Variants in ENOX1 observed in about 807,000 individuals in gnomAD.
ENOX1 encodes the protein ecto-NOX disulfide-thiol exchanger 1, also known as candidate growth-related and time keeping constitutive hydroquinone (NADH) oxidase.
A neutral mutation model predicts 82.5 loss-of-function variants in ENOX1; 42 were observed. The observed-to-expected ratio is 0.51, with a 90% CI of 0.40 to 0.66. The LOEUF (loss-of-function observed/expected upper bound fraction) is 0.66. ENOX1 is among the 30% of genes least tolerant of loss of function. ENOX1 has a pLI of 0.00. For synonymous variants in ENOX1, 271 were observed against 282.2 expected, an observed-to-expected ratio of 0.96 and a Z score of 0.40; for missense variants, 608 against 811.6, an observed-to-expected ratio of 0.75 and a Z score of 3.05.
intron 2 of ENOX1, among the ~76,000 whole-genome samples, chr13:43,664,084 TTTAA>T (rs1344842835): frequency 3.3e-5 from 5 of 152,218 alleles, no homozygotes; most frequent in Admixed American, 6.5e-5. Flanking sequence ...GTATAATTTG[TTTAA>T]TTAATATACT....
At chr13:43,648,310 T>C (rs1363446721) in intron 2 of ENOX1, among the ~76,000 whole-genome samples, 2 of 152,198 alleles carry the variant, frequency 1.3e-5, no homozygotes, top group Non-Finnish European at 2.9e-5. Flanking sequence ...ACACTGTTCT[T>C]TGGGCTACAG....
At chr13:43,216,011 A>G (rs956857449) in intron 16 of ENOX1, among the ~76,000 whole-genome samples, 2 of 152,132 alleles carry the variant, frequency 1.3e-5, no homozygotes, top group South Asian at 2.1e-4. Context: ...CTTGGCTAAC[A>G]TGGTAAAACC....
chr13:43,650,405 C>T (rs566851360), intron 2 of ENOX1, among the ~76,000 whole-genome samples: 6 of 152,246 alleles, frequency 3.9e-5, no homozygotes, highest in East Asian at 1.9e-4. Context: ...CTGATCCCTG[C>T]GTTATGACAC....
chr13:43,420,504 T>A (rs1159541501), intron 3 of ENOX1, among the ~76,000 whole-genome samples: 2 of 152,202 alleles, frequency 1.3e-5, no homozygotes, highest in East Asian at 3.9e-4. Context: ...TGTTTCATCT[T>A]ATTGTTAAGG....
chr13:43,236,532 C>CAGA, intron 15 of ENOX1, 104 bp downstream of exon 15: 1 of 639,562 alleles, frequency 1.6e-6, no homozygotes. Flanking sequence ...CACCTTTTAC[C>CAGA]AGAAGGCAAT....
chr13:43,348,380 C>T (rs1348847466), intron 8 of ENOX1, among the ~76,000 whole-genome samples: 1 of 152,198 alleles, frequency 6.6e-6, no homozygotes, highest in Non-Finnish European at 1.5e-5. Flanking sequence ...TTTCTGTCTT[C>T]TGGTTACTCT....
At chr13:43,618,970 G>C (rs2082604754) in intron 2 of ENOX1, among the ~76,000 whole-genome samples, 1 of 131,464 alleles carries the variant, frequency 7.6e-6, no homozygotes, top group African/African-American at 2.8e-5. Flanking sequence ...GTTAGGTATA[G>C]TCCTAAATTT....
chr13:43,647,359 T>C (rs1385303954), intron 2 of ENOX1, among the ~76,000 whole-genome samples: 1 of 152,188 alleles, frequency 6.6e-6, no homozygotes, highest in Admixed American at 6.5e-5. Context: ...CCACTACAAC[T>C]GCTTTGAGTC....
At chr13:43,297,086 A>T (rs2046324815) in intron 12 of ENOX1, among the ~76,000 whole-genome samples, 1 of 152,198 alleles carries the variant, frequency 6.6e-6, no homozygotes, top group Non-Finnish European at 1.5e-5. Flanking sequence ...TCTAACACAC[A>T]CTGTGAACAT....
At chr13:43,552,235 C>T (rs544574167) in intron 2 of ENOX1, among the ~76,000 whole-genome samples, 4 of 151,964 alleles carry the variant, frequency 2.6e-5, no homozygotes, top group Admixed American at 1.3e-4. Flanking sequence ...CCAGGGAGGC[C>T]ACCCATCAAT....
intron 8 of ENOX1, among the ~76,000 whole-genome samples, chr13:43,355,181 G>C (rs1294768088): frequency 1.3e-5 from 2 of 152,166 alleles, no homozygotes; most frequent in Non-Finnish European, 2.9e-5. Context: ...GTCAGTAATA[G>C]AACTGAATTC....
In ENOX1 at chr13:43,326,477, C is replaced by G. The variant is rs763318177; in HGVS notation, c.1085G>C (p.Trp362Ser). Residue 362 changes from tryptophan (W) to serine (S), a missense_variant, in exon 10 of 17, where the codon TGG becomes TCG. By Grantham distance (177) the Trp-to-Ser change is radical (BLOSUM62 -3). Coordinates refer to ENST00000690772, the MANE Select transcript of ENOX1 (RefSeq NM_001347969.2). ...VFNASTRQKA[W>S]DHFSKAQRKN... ...GCGCTGGGCTTTCGAGAAATGGTCC[C>G]AAGCTTTTTGTCTGGTAGAAGCGTT... 6.2e-7 allele frequency: 1 copy of G among 1,614,170 alleles called. No homozygotes were observed. Among genetic ancestry groups the G allele is most frequent in the Non-Finnish European group, 8.5e-7 (1 of 1,179,996 alleles).
intron 2 of ENOX1, among the ~76,000 whole-genome samples, chr13:43,575,771 T>C (rs1050009886): frequency 2.0e-5 from 3 of 152,234 alleles, no homozygotes; most frequent in African/African-American, 7.2e-5. Context: ...AATGCTTGGC[T>C]AGCCCTTTGG....
chr13:43,524,145 A>G lies in ENOX1; in HGVS notation c.-218-39993T>C, dbSNP rs1157165069. 4.6e-5 allele frequency among the ~76,000 whole-genome samples: 7 copies of G among 152,102 alleles called. No homozygotes were observed. The East Asian group carries it at 1.4e-3, about 29-fold the overall frequency. ...CCTAGCCTTCAGACCCCTTTAGTCC[A>G]TCTAATATCTTCTTGCCAACTCATT... is the stretch of plus-strand genomic sequence containing the variant. On this transcript the variant is annotated intron_variant, in intron 2 of 16. Coordinates refer to ENST00000690772, the MANE Select transcript of ENOX1 (RefSeq NM_001347969.2).
At chr13:43,455,791 G>C (rs1174245102) in intron 3 of ENOX1, among the ~76,000 whole-genome samples, 4 of 151,936 alleles carry the variant, frequency 2.6e-5, no homozygotes, top group Non-Finnish European at 5.9e-5. Context: ...CATGAGATCT[G>C]ACGGTTTTAT....
In ENOX1 at chr13:43,298,373, C is replaced by T. The variant is rs751697177; in HGVS notation, c.1419G>A (p.Leu473=). Residue 473 remains leucine, a synonymous_variant, in exon 12 of 17, where the codon CTG becomes CTA. Transcript: ENST00000690772. ...GCTGCATGCCTTGCATGGTTTGCTG[C>T]AGAAACTGCAGTTGCTGGTCCTTGG... The part of the protein sequence containing the change: ...NLTKDQQLQF[L]QQTMQGMQQQ... The T allele has an allele frequency of 6.2e-7, 1 of 1,611,066 alleles. No individual in the cohort carries two copies. The highest frequency in any genetic ancestry group is 1.7e-5 in the Admixed American group (1 of 59,782).
chr13:43,654,248 C>T (rs2084325695), intron 2 of ENOX1, among the ~76,000 whole-genome samples: 1 of 152,156 alleles, frequency 6.6e-6, no homozygotes, highest in African/African-American at 2.4e-5. Flanking sequence ...AAGACTGTAA[C>T]ATAGACATCC....
At chr13:43,288,800 T>A (rs979075611) in intron 12 of ENOX1, among the ~76,000 whole-genome samples, 3 of 152,156 alleles carry the variant, frequency 2.0e-5, no homozygotes, top group Admixed American at 2.0e-4. Context: ...AAACTTTCTA[T>A]CTTTAGTTTT....
Position 43,326,451 on chromosome 13 carries a change from T to C in ENOX1, c.1111A>G (p.Lys371Glu). 6.2e-7 allele frequency: 1 copy of C among 1,614,190 alleles called. No homozygotes were observed. The highest frequency in any genetic ancestry group is 8.5e-7 in the Non-Finnish European group (1 of 1,179,998). The stretch of plus-strand genomic sequence containing the variant: ...TGCTTTCGCCAAATGTCTATGTTCT[T>C]GCGCTGGGCTTTCGAGAAATGGTCC... ...AWDHFSKAQR[K>E]NIDIWRKHSE... is the part of the protein sequence containing the mutation. The change falls in exon 10 of 17, where the codon AAG (lysine) becomes GAG (glutamate). Residue 371 changes from lysine to glutamate, a missense_variant. Lys to Glu is a moderately conservative substitution (Grantham distance 56). Coordinates refer to ENST00000690772, the MANE Select transcript of ENOX1 (RefSeq NM_001347969.2).
Sources: gnomAD v4.1 joint callset for allele counts (sites outside exome capture counted in the v4.1 genomes callset) on GRCh38, gnomAD v4.1.1 for gene constraint, MANE v1.5 for transcripts, NCBI Gene and HGNC (gene_info 2026-07-23, HGNC 2026-07-21) for gene names.